Variants in MINK1 observed in about 807,000 individuals in gnomAD.
MINK1 encodes misshapen like kinase 1, also known as misshapen-like kinase 1.
In MINK1, 46 loss-of-function variants were observed where a neutral mutation model predicts 178.4. That is an observed-to-expected ratio of 0.26 (90% CI 0.20 to 0.33). The LOEUF is 0.33. MINK1 is among the 10% of genes least tolerant of loss of function. The pLI, the probability that MINK1 is intolerant of heterozygous loss-of-function variation, is 1.00. For synonymous variants in MINK1, 797 were observed against 709.7 expected (o/e 1.12, Z -1.96); for missense variants, 1,366 against 1,814.9 (o/e 0.75, Z 4.49).
chr17:4,844,362 C>T (rs1440448442), intron 1 of MINK1, among the ~76,000 whole-genome samples: 1 of 152,090 alleles, frequency 6.6e-6, no homozygotes, highest in African/African-American at 2.4e-5. Context: ...GCTTTGTGGG[C>T]TTACTGAGGA....
chr17:4,894,021 G>T lies in MINK1; in HGVS notation c.2598G>T (p.Met866Ile). ...GGGATACAGACAGCGTCAGCACCATGGTGGTCCACGACGTCGAGGAGATCA... is the reference window on the plus strand; with the variant it reads ...GGGATACAGACAGCGTCAGCACCATTGTGGTCCACGACGTCGAGGAGATCA... ...SDGDTDSVSTMVVHDVEEITG... is the reference protein window; with the variant it reads ...SDGDTDSVSTIVVHDVEEITG... Residue 866 changes from methionine to isoleucine, a missense_variant, in exon 22 of 32, where the codon ATG (methionine) becomes ATT (isoleucine). Physicochemically the swap from Met to Ile is conservative, Grantham distance 10. Around this residue, in one of 14 missense-constraint regions of MINK1, gnomAD observed 709 missense variants for 692.3 expected, o/e 1.02. Coordinates refer to ENST00000355280, the MANE Select transcript of MINK1 (RefSeq NM_153827.5). This position sits in a 1 kb window ranked among gnomAD's most constrained non-coding sequence, Gnocchi z 4.1. The T allele has an allele frequency of 6.3e-7, 1 of 1,590,644 alleles. No individual in the cohort carries two copies. Among genetic ancestry groups the T allele is most frequent in the Non-Finnish European group, 8.6e-7 (1 of 1,168,102 alleles).
At chr17:4,841,504 G>GT (rs1360353800) in intron 1 of MINK1, among the ~76,000 whole-genome samples, 6 of 151,228 alleles carry the variant, frequency 4.0e-5, no homozygotes, top group African/African-American at 1.5e-4. Context: ...CTCAACTTAT[G>GT]TTTTTTTCCC....
In MINK1 at chr17:4,886,516, C is replaced by T; in HGVS notation, c.839C>T (p.Thr280Met). Reference protein sequence around the residue: ...LIKTYLSRPPTEQLLKFPFIR... With the variant: ...LIKTYLSRPPMEQLLKFPFIR... ...AAGACTTACCTGAGCCGCCCACCCACGGAGCAGCTACTGAAGTTTCCCTTC... is the reference window on the plus strand; with the variant it reads ...AAGACTTACCTGAGCCGCCCACCCATGGAGCAGCTACTGAAGTTTCCCTTC... The change falls in exon 10 of 32, where the codon ACG (threonine) becomes ATG (methionine). Residue 280 changes from threonine to methionine, a missense_variant. Thr to Met is a moderately conservative substitution (Grantham distance 81). This residue lies in a region of MINK1 where 109 missense variants were observed against 369.4 expected (regional missense o/e 0.30). Transcript: ENST00000355280. The surrounding 1 kb of genome is among the most constrained non-coding windows in gnomAD (Gnocchi z 6.1). 6.2e-7 allele frequency: 1 copy of T among 1,613,684 alleles called. No homozygotes were observed. Among genetic ancestry groups the T allele is most frequent in the Non-Finnish European group, 8.5e-7 (1 of 1,179,770 alleles).
At position 4,886,878 on chromosome 17, in the gene MINK1, T is replaced by C. The variant is rs577357227; in HGVS notation, c.950-232T>C. Reference sequence around the variant, plus strand: ...AAAAACTCCATGCTAAGCACATGTGTGTGCGAGCACAAGCACAGGCTCTGC... The same window carrying C: ...AAAAACTCCATGCTAAGCACATGTGCGTGCGAGCACAAGCACAGGCTCTGC... On this transcript the variant is annotated intron_variant, in intron 10 of 31. Transcript: ENST00000355280. This position sits in a 1 kb window ranked among gnomAD's most constrained non-coding sequence, Gnocchi z 6.1. 1.8e-4 allele frequency among the ~76,000 whole-genome samples: 27 copies of C among 152,240 alleles called. No homozygotes were observed. The highest frequency in any genetic ancestry group is 6.3e-4 in the African/African-American group (26 of 41,456).
In MINK1 at chr17:4,894,619, G is replaced by A. The variant is rs1296064135; in HGVS notation, c.2903G>A (p.Ser968Asn). 3 of 1,604,132 alleles carry A rather than the reference G, an allele frequency of 1.9e-6. No individual in the cohort carries two copies. The highest frequency in any genetic ancestry group is 1.7e-4 in the Middle Eastern group (1 of 6,050). The change falls in exon 24 of 32, where the codon AGC becomes AAC. Residue 968 changes from serine (S) to asparagine (N), a missense_variant. Physicochemically the swap from Ser to Asn is conservative, Grantham distance 46. Around this residue, in one of 14 missense-constraint regions of MINK1, gnomAD observed 709 missense variants for 692.3 expected, o/e 1.02. Coordinates refer to ENST00000355280, the MANE Select transcript of MINK1 (RefSeq NM_153827.5). The surrounding 1 kb of genome is among the most constrained non-coding windows in gnomAD (Gnocchi z 4.1). Reference sequence around the variant, plus strand: ...TACCAGCCTGGAGGCAGTGGGGACAGCATCCCCATCACAGGTGAGGACAGG... The same window carrying A: ...TACCAGCCTGGAGGCAGTGGGGACAACATCCCCATCACAGGTGAGGACAGG... ...GIYQPGGSGDSIPITALVGGE... is the reference protein window; with the variant it reads ...GIYQPGGSGDNIPITALVGGE...
intron 4 of MINK1, among the ~76,000 whole-genome samples, chr17:4,881,899 G>A (rs1967735206): frequency 6.6e-6 from 1 of 152,288 alleles, no homozygotes. Context: ...GGATGGAGCA[G>A]CAGGGAGTGT....
In MINK1 at chr17:4,896,281, C is replaced by T. The variant is rs1409187197; in HGVS notation, c.3554C>T (p.Ala1185Val). The stretch of plus-strand genomic sequence containing the variant: ...CTCAAGGTCATCTATGGCTCCAGTG[C>T]TGGCTTCCATGCTGTGGATGTCGAC... ...QRLKVIYGSS[A>V]GFHAVDVDSG... Residue 1185 changes from alanine to valine, a missense_variant, in exon 29 of 32, where the codon GCT becomes GTT. Physicochemically the swap from Ala to Val is moderately conservative, Grantham distance 64. Around this residue, in one of 14 missense-constraint regions of MINK1, gnomAD observed 201 missense variants for 240.7 expected, o/e 0.84. Transcript: ENST00000355280. The surrounding 1 kb of genome is among the most constrained non-coding windows in gnomAD (Gnocchi z 4.6). 1 of 1,606,860 alleles carries T rather than the reference C, an allele frequency of 6.2e-7. No homozygotes were observed. The highest frequency in any genetic ancestry group is 8.5e-7 in the Non-Finnish European group (1 of 1,176,124).
intron 1 of MINK1, among the ~76,000 whole-genome samples, chr17:4,843,456 C>T (rs1009376588): frequency 5.4e-5 from 8 of 148,120 alleles, no homozygotes; most frequent in Non-Finnish European, 8.9e-5. Context: ...CCAGCCTGGG[C>T]GACAGAACGA....
At chr17:4,884,544 C>T in intron 5 of MINK1, 71 bp downstream of exon 5, 1 of 1,161,020 alleles carries the variant, frequency 8.6e-7, no homozygotes, top group Admixed American at 1.8e-5. Context: ...GAGCAAAGAT[C>T]CTCCCTGCGC....
chr17:4,892,120 G>C, intron 16 of MINK1, 29 bp from the exon 17 acceptor site: 1 of 1,550,922 alleles, frequency 6.4e-7, no homozygotes, highest in Non-Finnish European at 8.8e-7. Context: ...CGCAGCGCCA[G>C]CTCGCAGCAC....
chr17:4,842,933 G>T (rs558164534), intron 1 of MINK1, among the ~76,000 whole-genome samples: 2 of 152,330 alleles, frequency 1.3e-5, no homozygotes, highest in East Asian at 3.9e-4. Flanking sequence ...TTTCAGGGTG[G>T]ACCAGTGGCT....
rs751116644 is a variant in MINK1 at position 4,893,543 on chromosome 17, A to G, written c.2510A>G (p.Glu837Gly). Reference protein sequence around the residue: ...SEEVESSEDDEEEGEGGPAEG... With the variant: ...SEEVESSEDDGEEGEGGPAEG... Reference sequence around the variant, plus strand: ...GAGGTGGAAAGCAGTGAGGACGACGAGGAGGAAGGCGAAGGCGGGCCAGCA... The same window carrying G: ...GAGGTGGAAAGCAGTGAGGACGACGGGGAGGAAGGCGAAGGCGGGCCAGCA... Residue 837 changes from glutamate to glycine, a missense_variant, in exon 21 of 32, where the codon GAG becomes GGG. Around this residue, in one of 14 missense-constraint regions of MINK1, gnomAD observed 709 missense variants for 692.3 expected, o/e 1.02. Coordinates refer to ENST00000355280, the MANE Select transcript of MINK1 (RefSeq NM_153827.5). The G allele has an allele frequency of 6.3e-7, 1 of 1,593,956 alleles. No homozygotes were observed. Among genetic ancestry groups the G allele is most frequent in the East Asian group, 2.3e-5 (1 of 44,344 alleles).
chr17:4,858,457 A>G (rs891734452), intron 1 of MINK1, among the ~76,000 whole-genome samples: 1 of 146,896 alleles, frequency 6.8e-6, no homozygotes, highest in Non-Finnish European at 1.5e-5. Flanking sequence ...TTCCCTGTTT[A>G]TTTTTTTTTA....
At position 4,894,428 on chromosome 17, in the gene MINK1, G is replaced by A; in HGVS notation, c.2809-97G>A. On this transcript the variant is annotated intron_variant, in intron 23 of 31. Transcript: ENST00000355280. The surrounding 1 kb of genome is among the most constrained non-coding windows in gnomAD (Gnocchi z 4.1). ...GAGCGCTGGGAGCTGGACAGCGGGG[G>A]TGCCAGTTGGGGAGCTGGAGCCTGG... 1 of 1,521,774 alleles carries A rather than the reference G, an allele frequency of 6.6e-7. No homozygotes were observed. The highest frequency in any genetic ancestry group is 8.9e-7 in the Non-Finnish European group (1 of 1,121,636). 94.3% of individuals were successfully genotyped at this position (1,521,774 alleles called of 1,614,324 possible).
chr17:4,896,992 T>G lies in MINK1; in HGVS notation c.3915+179T>G. 9.8e-7 allele frequency: 1 copy of G among 1,021,134 alleles called. No homozygotes were observed. The highest frequency in any genetic ancestry group is 2.6e-5 in the East Asian group (1 of 37,904). 63.3% of individuals were successfully genotyped at this position (1,021,134 alleles called of 1,614,324 possible). On this transcript the variant is annotated intron_variant, in intron 31 of 31. Transcript: ENST00000355280. The surrounding 1 kb of genome is among the most constrained non-coding windows in gnomAD (Gnocchi z 4.6). Reference sequence around the variant, plus strand: ...GCGCTCCCTTCAGATTCCGAGGACTTCCCAGCTGGCCCCCAGGGGGCGAGT... The same window carrying G: ...GCGCTCCCTTCAGATTCCGAGGACTGCCCAGCTGGCCCCCAGGGGGCGAGT...
At chr17:4,872,511 G>A (rs1915975983) in intron 1 of MINK1, among the ~76,000 whole-genome samples, 1 of 151,080 alleles carries the variant, frequency 6.6e-6, no homozygotes, top group African/African-American at 2.4e-5. Context: ...AGTGGCTCAC[G>A]CCTGTAATCC....
chr17:4,854,994 G>T (rs1912790859), intron 1 of MINK1, among the ~76,000 whole-genome samples: 1 of 151,840 alleles, frequency 6.6e-6, no homozygotes, highest in Admixed American at 6.6e-5. Flanking sequence ...ATCACTTGAG[G>T]TCAGCAATTC....
At chr17:4,839,644 C>G (rs1277427386) in intron 1 of MINK1, among the ~76,000 whole-genome samples, 1 of 152,130 alleles carries the variant, frequency 6.6e-6, no homozygotes, top group African/African-American at 2.4e-5. Flanking sequence ...GACTGGGCTT[C>G]TCTTATCTAT....
intron 1 of MINK1, among the ~76,000 whole-genome samples, chr17:4,861,946 G>C (rs1914235363): frequency 6.6e-6 from 1 of 152,220 alleles, no homozygotes; most frequent in Non-Finnish European, 1.5e-5. Context: ...TTTTGTGTAT[G>C]TTATAGATTC....
Sources: allele counts gnomAD v4.1 joint callset (sites outside exome capture counted in the v4.1 genomes callset), GRCh38; gene constraint gnomAD v4.1.1; regional missense constraint gnomAD v4.1.1; non-coding constraint Gnocchi (gnomAD v3.1); transcripts MANE v1.5; gene names NCBI Gene and HGNC (gene_info 2026-07-23, HGNC 2026-07-21).